The following EPM2A variants were observed in gnomAD, a reference collection of about 807,000 sequenced individuals.
EPM2A encodes the protein EPM2A glucan phosphatase, laforin, also known as laforin.
Under a neutral mutation model 26.5 loss-of-function variants are expected in EPM2A, and 21 were observed. That is an observed-to-expected ratio of 0.79 (90% confidence interval 0.56 to 1.14). EPM2A has a LOEUF of 1.14. Among genes scored for constraint, EPM2A ranks in the 50% most tolerant of loss-of-function variants. The pLI, the probability that EPM2A is intolerant of heterozygous loss-of-function variation, is 0.00. For synonymous variants in EPM2A, 217 were observed against 177.6 expected (o/e 1.22, Z -1.76); for missense variants, 458 against 440.8 (o/e 1.04, Z -0.35).
chr6:145,596,014 A>C (rs1781338246), intron 2 of EPM2A, among the ~76,000 whole-genome samples: 1 of 152,214 alleles, frequency 6.6e-6, no homozygotes, highest in Non-Finnish European at 1.5e-5. Context: ...ATGTTAACCC[A>C]AAACAGTAAA....
At chr6:145,607,408 T>A (rs1252000047) in intron 2 of EPM2A, among the ~76,000 whole-genome samples, 1 of 152,182 alleles carries the variant, frequency 6.6e-6, no homozygotes, top group Non-Finnish European at 1.5e-5. Flanking sequence ...GTACAGTATG[T>A]GACTCTTTGC....
intron 2 of EPM2A, among the ~76,000 whole-genome samples, chr6:145,583,667 G>A (rs1322570446): frequency 2.0e-5 from 3 of 152,226 alleles, no homozygotes; most frequent in Admixed American, 2.0e-4. Context: ...AGCCATGGTG[G>A]CAAAGTGGGT....
At chr6:145,687,172 G>A (rs1490571690) in intron 1 of EPM2A, among the ~76,000 whole-genome samples, 1 of 152,156 alleles carries the variant, frequency 6.6e-6, no homozygotes, top group Non-Finnish European at 1.5e-5. Context: ...GCCTTTAGGA[G>A]ATGATTAGGT....
chr6:145,389,781 G>C (rs182462024), intron 4 of EPM2A, among the ~76,000 whole-genome samples: 71 of 152,158 alleles, frequency 4.7e-4, no homozygotes, highest in Admixed American at 7.9e-4. Context: ...CTCCATCCTT[G>C]AGGTGTAGTC....
chr6:145,458,099 T>G (rs1779284217), intron 4 of EPM2A, among the ~76,000 whole-genome samples: 1 of 152,214 alleles, frequency 6.6e-6, no homozygotes, highest in Non-Finnish European at 1.5e-5. Flanking sequence ...AGTCCAGACC[T>G]TTTAGGAGTT....
intron 2 of EPM2A, among the ~76,000 whole-genome samples, chr6:145,505,719 A>G (rs1402240547): frequency 6.6e-6 from 1 of 152,212 alleles, no homozygotes; most frequent in Non-Finnish European, 1.5e-5. Flanking sequence ...GATTCAGTCA[A>G]TACCACTGTA....
intron 4 of EPM2A, among the ~76,000 whole-genome samples, chr6:145,471,422 C>T (rs1376990925): frequency 2.6e-5 from 4 of 152,128 alleles, no homozygotes; most frequent in African/African-American, 9.7e-5. Flanking sequence ...ACTATCTACA[C>T]AGGAAAAACA....
chr6:145,610,248 A>G (rs1304335226), intron 2 of EPM2A, among the ~76,000 whole-genome samples: 3 of 152,074 alleles, frequency 2.0e-5, no homozygotes, highest in East Asian at 1.9e-4. Flanking sequence ...AGAGTTTTCA[A>G]TTTCGGCTTT....
chr6:145,596,670 C>G (rs1781347114), intron 2 of EPM2A, among the ~76,000 whole-genome samples: 1 of 151,936 alleles, frequency 6.6e-6, no homozygotes, highest in Admixed American at 6.6e-5. Flanking sequence ...TCCTACACCT[C>G]CCACATTTTG....
Position 145,489,728 on chromosome 6 carries a change from A to T in EPM2A, c.555+12794T>A, listed in dbSNP as rs1465854354. 10 of 1,458,990 alleles carry T rather than the reference A, an allele frequency of 6.9e-6. No homozygotes were observed. In the African/African-American group the frequency reaches 1.1e-4, roughly 16 times the overall value. The allele number at this position is 1,458,990 out of a possible 1,614,324, so 90.4% of individuals were successfully genotyped here. On this transcript the variant is annotated intron_variant, in intron 4 of 4. Coordinates refer to the EPM2A transcript ENST00000638717. Reference sequence around the variant, plus strand: ...CTCTCTAATCCTCAGCATCTTCGTGATCTTCCCTGGCAGCCTCAGCAGCAT... The same window carrying T: ...CTCTCTAATCCTCAGCATCTTCGTGTTCTTCCCTGGCAGCCTCAGCAGCAT...
At chr6:145,700,304 T>G (rs1781838572) in intron 1 of EPM2A, among the ~76,000 whole-genome samples, 1 of 152,206 alleles carries the variant, frequency 6.6e-6, no homozygotes, top group Non-Finnish European at 1.5e-5. Context: ...ATTTTCCTAC[T>G]GTCATTAAAA....
At chr6:145,713,038 T>C (rs929685686) in intron 1 of EPM2A, among the ~76,000 whole-genome samples, 1 of 152,220 alleles carries the variant, frequency 6.6e-6, no homozygotes, top group Admixed American at 6.5e-5. Flanking sequence ...GAAGTTACAT[T>C]GAGAAATAAA....
chr6:145,497,924 C>G (rs1184731165), downstream of EPM2A, among the ~76,000 whole-genome samples: 1 of 152,246 alleles, frequency 6.6e-6, no homozygotes. Flanking sequence ...AGTGGCCCTC[C>G]TCTCCTCCCA....
intron 4 of EPM2A, among the ~76,000 whole-genome samples, chr6:145,413,841 C>T (rs138422528): frequency 7.9e-5 from 12 of 152,280 alleles, no homozygotes; most frequent in African/African-American, 2.4e-4. Flanking sequence ...TTTTTTCCTC[C>T]GTGGCTTGGA....
intron 2 of EPM2A, among the ~76,000 whole-genome samples, chr6:145,582,531 T>G (rs1781129929): frequency 6.6e-6 from 1 of 152,230 alleles, no homozygotes; most frequent in Non-Finnish European, 1.5e-5. Flanking sequence ...CACTTTAGCC[T>G]AATGGGGTTC....
downstream of EPM2A, among the ~76,000 whole-genome samples, chr6:145,500,358 A>G (rs1779873648): frequency 6.6e-6 from 1 of 152,222 alleles, no homozygotes; most frequent in Non-Finnish European, 1.5e-5. Flanking sequence ...AGTAGAGGTG[A>G]GAAAACTGCA....
intron 4 of EPM2A, among the ~76,000 whole-genome samples, chr6:145,409,034 G>T (rs1194303257): frequency 2.0e-5 from 3 of 152,086 alleles, no homozygotes; most frequent in Non-Finnish European, 4.4e-5. Context: ...TATTTATTTT[G>T]CCCTTTAATG....
chr6:145,545,995 G>A (rs921116557), intron 2 of EPM2A, among the ~76,000 whole-genome samples: 2 of 152,094 alleles, frequency 1.3e-5, no homozygotes, highest in Non-Finnish European at 2.9e-5. Flanking sequence ...CTTATCACAT[G>A]TGCTAGTCAG....
chr6:145,469,899 T>C (rs1779451329), intron 4 of EPM2A, among the ~76,000 whole-genome samples: 1 of 152,142 alleles, frequency 6.6e-6, no homozygotes, highest in Non-Finnish European at 1.5e-5. Flanking sequence ...GATCATTATG[T>C]TAAGTGATAA....
Sources: allele counts gnomAD v4.1 joint callset (sites outside exome capture counted in the v4.1 genomes callset), GRCh38; gene constraint gnomAD v4.1.1; transcripts MANE v1.5; gene names NCBI Gene and HGNC (gene_info 2026-07-23, HGNC 2026-07-21).